TMEM178B: variants seen among roughly 807,000 people sequenced by gnomAD.
TMEM178B encodes the protein transmembrane protein 178B.
TMEM178B carries 5 observed loss-of-function variants against 31.0 expected under a neutral mutation model. The observed-to-expected ratio is 0.16, with a 90% CI of 0.08 to 0.34. TMEM178B has a LOEUF of 0.34. TMEM178B is among the 10% of genes least tolerant of loss of function. The pLI, the probability that TMEM178B is intolerant of heterozygous loss-of-function variation, is 1.00. For missense variants in TMEM178B, 275 were observed against 400.3 expected (o/e 0.69, Z 2.67); for synonymous variants, 164 against 164.0 (o/e 1.00, Z 0.00).
chr7:141,339,802 G>A (rs12333339), intron 2 of TMEM178B, among the ~76,000 whole-genome samples: 8,505 of 152,324 alleles, frequency 0.056, 535 homozygotes, highest in African/African-American at 0.15. Context: ...CTGCCCTGGA[G>A]GCAATGGGCT....
intron 2 of TMEM178B, among the ~76,000 whole-genome samples, chr7:141,276,606 C>T (rs930370205): frequency 9.1e-6 from 1 of 110,378 alleles, no homozygotes; most frequent in African/African-American, 4.1e-5. Flanking sequence ...TAGCTGCCCC[C>T]ATGCTTCAAT....
Position 141,267,094 on chromosome 7 carries a change from T to C in TMEM178B, c.496+54390T>C, listed in dbSNP as rs116637352. Among the ~76,000 whole-genome samples, 527 of 152,340 alleles carry C rather than the reference T, an allele frequency of 3.5e-3. 3 individuals carry two copies. The highest frequency in any genetic ancestry group is 0.012 in the African/African-American group (494 of 41,578). ...AGGTGAGTATGGAGCAGGATGAATG[T>C]GACAACACACAGCATCCTCCCATGA... On this transcript the variant is annotated intron_variant, in intron 2 of 3. Transcript: ENST00000565468.
At chr7:141,349,263 G>A (rs1428003976) in intron 2 of TMEM178B, among the ~76,000 whole-genome samples, 1 of 152,024 alleles carries the variant, frequency 6.6e-6, no homozygotes, top group African/African-American at 2.4e-5. Flanking sequence ...GAGCTTGCTG[G>A]AATGTTCAGA....
At chr7:141,484,663 G>A (rs1802527705), downstream of TMEM178B, among the ~76,000 whole-genome samples, 1 of 152,166 alleles carries the variant, frequency 6.6e-6, no homozygotes, top group South Asian at 2.1e-4. The surrounding 1 kb of genome is among the most constrained non-coding windows in gnomAD (Gnocchi z 4.8). Flanking sequence ...CAGGGTTCAA[G>A]CGATTCTCCT....
At chr7:141,303,252 T>C (rs1320448793) in intron 2 of TMEM178B, among the ~76,000 whole-genome samples, 1 of 152,128 alleles carries the variant, frequency 6.6e-6, no homozygotes, top group Non-Finnish European at 1.5e-5. Context: ...GGATTGGAAA[T>C]GTGTCTAGCT....
intron 1 of TMEM178B, among the ~76,000 whole-genome samples, chr7:141,105,416 A>G (rs1408600986): frequency 6.6e-6 from 1 of 152,182 alleles, no homozygotes; most frequent in Non-Finnish European, 1.5e-5. Flanking sequence ...CTGAGACATG[A>G]GAATTGCTTG....
chr7:141,223,479 C>CTTTTTTTTT lies in TMEM178B; in HGVS notation c.496+10784_496+10792dup, dbSNP rs10680431. Among the ~76,000 whole-genome samples, 356 of 131,122 alleles carry CTTTTTTTTT rather than the reference C, an allele frequency of 2.7e-3. 10 individuals are homozygous for CTTTTTTTTT. Among genetic ancestry groups the CTTTTTTTTT allele is most frequent in the African/African-American group, 9.7e-3 (322 of 33,060 alleles). The allele number at this position is 131,122 out of a possible 152,430, so 86.0% of individuals were successfully genotyped here. The stretch of plus-strand genomic sequence containing the variant: ...GCTGATGTTCTCTGCTGTTTTCACT[C>CTTTTTTTTT]TTTTTTTTTTTTTTTTTGTATTTCC... On this transcript the variant is annotated intron_variant, in intron 2 of 3. Coordinates refer to ENST00000565468, the MANE Select transcript of TMEM178B (RefSeq NM_001195278.2).
At chr7:141,301,498 A>C (rs1193992267) in intron 2 of TMEM178B, among the ~76,000 whole-genome samples, 1 of 152,144 alleles carries the variant, frequency 6.6e-6, no homozygotes, top group Admixed American at 6.5e-5. Context: ...ATGAGTAATC[A>C]AAACCAGCAA....
intron 1 of TMEM178B, among the ~76,000 whole-genome samples, chr7:141,125,897 T>G (rs573781174): frequency 4.6e-5 from 7 of 152,298 alleles, no homozygotes; most frequent in African/African-American, 1.7e-4. Flanking sequence ...ATTTAACCTG[T>G]TAAAGCCCAG....
intron 1 of TMEM178B, among the ~76,000 whole-genome samples, chr7:141,122,593 G>A (rs1795427661): frequency 6.6e-6 from 1 of 152,252 alleles, no homozygotes; most frequent in African/African-American, 2.4e-5. Context: ...TGAAATGCTG[G>A]GTCCAGGGAC....
intron 2 of TMEM178B, among the ~76,000 whole-genome samples, chr7:141,421,902 A>C (rs1801217639): frequency 6.6e-6 from 1 of 151,812 alleles, no homozygotes; most frequent in Non-Finnish European, 1.5e-5. Flanking sequence ...ATCCATTCCT[A>C]GGTGATACCT....
chr7:141,147,259 C>G lies in TMEM178B; in HGVS notation c.383-65332C>G, dbSNP rs139497151. On this transcript the variant is annotated intron_variant, in intron 1 of 3. Coordinates refer to ENST00000565468, the MANE Select transcript of TMEM178B (RefSeq NM_001195278.2). ...TCCTTCCCTTTCTCCTTCCCTCCCT[C>G]CTGTGTTCTAATAGAGGAGTGCATT... 5.3e-5 allele frequency among the ~76,000 whole-genome samples: 8 copies of G among 152,092 alleles called. No individual in the cohort carries two copies. The East Asian group carries it at 1.6e-3, about 29-fold the overall frequency.
chr7:141,229,923 T>C (rs939003579), intron 2 of TMEM178B, among the ~76,000 whole-genome samples: 1 of 152,182 alleles, frequency 6.6e-6, no homozygotes, highest in Non-Finnish European at 1.5e-5. Context: ...GTGGTGTATA[T>C]CCTTTGTGTT....
intron 2 of TMEM178B, among the ~76,000 whole-genome samples, chr7:141,310,731 A>G (rs1476545547): frequency 6.6e-6 from 1 of 152,230 alleles, no homozygotes; most frequent in Non-Finnish European, 1.5e-5. Context: ...CCATTGTGGA[A>G]GGCAGTGTAG....
At chr7:141,348,525 G>C (rs989582461) in intron 2 of TMEM178B, among the ~76,000 whole-genome samples, 2 of 152,148 alleles carry the variant, frequency 1.3e-5, no homozygotes, top group African/African-American at 4.8e-5. Context: ...TGTAATTTAG[G>C]GGGAGAGCAG....
At chr7:141,259,075 T>A (rs1014610994) in intron 2 of TMEM178B, among the ~76,000 whole-genome samples, 2 of 152,182 alleles carry the variant, frequency 1.3e-5, no homozygotes, top group Non-Finnish European at 2.9e-5. Context: ...TCTCTTCTTG[T>A]CTTCTGGGAC....
chr7:141,421,374 C>G (rs1054284513), intron 2 of TMEM178B, among the ~76,000 whole-genome samples: 1 of 152,192 alleles, frequency 6.6e-6, no homozygotes, highest in African/African-American at 2.4e-5. Flanking sequence ...ACTCACTGAG[C>G]CTTGTATTTG....
At position 141,401,596 on chromosome 7, in the gene TMEM178B, T is replaced by A. The variant is rs999515873; in HGVS notation, c.497-36012T>A. 5.9e-5 allele frequency among the ~76,000 whole-genome samples: 9 copies of A among 152,204 alleles called. 1 individual carries two copies. The highest frequency in any genetic ancestry group is 1.9e-4 in the East Asian group (1 of 5,172). ...ACACCCAGCTATTTTTTTATTTTTT[T>A]ATTTTTTTAGAGATGGAGTTACGGT... is the stretch of plus-strand genomic sequence containing the variant. On this transcript the variant is annotated intron_variant, in intron 2 of 3. Transcript: ENST00000565468.
chr7:141,410,255 A>AG (rs1413790633), intron 2 of TMEM178B, among the ~76,000 whole-genome samples: 1 of 152,212 alleles, frequency 6.6e-6, no homozygotes, highest in East Asian at 1.9e-4. Context: ...CGCAGCTGCC[A>AG]GCCTAGAGGA....
Sources: gnomAD v4.1 joint callset for allele counts (sites outside exome capture counted in the v4.1 genomes callset) on GRCh38, gnomAD v4.1.1 for gene constraint, Gnocchi (gnomAD v3.1) non-coding constraint, MANE v1.5 for transcripts, NCBI Gene and HGNC (gene_info 2026-07-23, HGNC 2026-07-21) for gene names.